The following B3GALT1 variants were observed in gnomAD, a reference collection of about 807,000 sequenced individuals.
The protein encoded by B3GALT1 is beta-1,3-galactosyltransferase 1.
In B3GALT1, 10 loss-of-function variants were observed where a neutral mutation model predicts 23.2. The observed-to-expected ratio is 0.43, with a 90% CI of 0.27 to 0.73. The LOEUF is 0.73. Ranked by LOEUF, B3GALT1 falls within the 30% of genes least tolerant of loss-of-function variation. B3GALT1 has a pLI of 0.21. For synonymous variants in B3GALT1, 156 were observed against 141.5 expected, an observed-to-expected ratio of 1.10 and a Z score of -0.73; for missense variants, 299 against 405.4, an observed-to-expected ratio of 0.74 and a Z score of 2.25.
At chr2:167,748,911 C>T (rs979869201) in intron 3 of B3GALT1, among the ~76,000 whole-genome samples, 2 of 152,156 alleles carry the variant, frequency 1.3e-5, no homozygotes, top group South Asian at 2.1e-4. Context: ...ATGCCACACA[C>T]ATTTATTAAG....
intron 2 of B3GALT1, among the ~76,000 whole-genome samples, chr2:167,558,825 T>C (rs540997156): frequency 6.6e-5 from 10 of 152,198 alleles, no homozygotes; most frequent in African/African-American, 1.7e-4. Flanking sequence ...TGGGTGGAGC[T>C]GACCACAGCT....
chr2:167,364,163 C>CAA (rs34314925), intron 1 of B3GALT1, among the ~76,000 whole-genome samples: 196 of 63,114 alleles, frequency 3.1e-3, no homozygotes, highest in African/African-American at 9.3e-3. Context: ...GACTCCATCT[C>CAA]AAAAAAAAAA....
chr2:167,462,661 T>C (rs1004847341), intron 1 of B3GALT1, among the ~76,000 whole-genome samples: 2 of 152,174 alleles, frequency 1.3e-5, no homozygotes, highest in African/African-American at 4.8e-5. Flanking sequence ...TAATTTTGCA[T>C]CATTAGCTTC....
intron 3 of B3GALT1, among the ~76,000 whole-genome samples, chr2:167,677,857 TTA>T (rs1468820738): frequency 6.6e-6 from 1 of 152,168 alleles, no homozygotes; most frequent in Non-Finnish European, 1.5e-5. Context: ...AAACAGGTCC[TTA>T]TTCAAATGGT....
At chr2:167,312,358 T>C (rs1038333625) in intron 1 of B3GALT1, among the ~76,000 whole-genome samples, 2 of 152,048 alleles carry the variant, frequency 1.3e-5, no homozygotes, top group Non-Finnish European at 2.9e-5. Flanking sequence ...TGAAGTTAAA[T>C]TGGTTCTTTG....
At chr2:167,437,447 T>C (rs1698807689) in intron 1 of B3GALT1, among the ~76,000 whole-genome samples, 1 of 152,234 alleles carries the variant, frequency 6.6e-6, no homozygotes, top group Non-Finnish European at 1.5e-5. Flanking sequence ...TGATAACTTC[T>C]GCAATTTGGA....
chr2:167,685,333 TC>T (rs1286707166), intron 3 of B3GALT1, among the ~76,000 whole-genome samples: 1 of 152,160 alleles, frequency 6.6e-6, no homozygotes, highest in Non-Finnish European at 1.5e-5. Flanking sequence ...ACCTCAGTGA[TC>T]CCCCAACCTC....
chr2:167,626,104 G>T (rs1411781201), intron 2 of B3GALT1, among the ~76,000 whole-genome samples: 1 of 150,776 alleles, frequency 6.6e-6, no homozygotes, highest in Admixed American at 6.6e-5. Context: ...AAGAGAAGGT[G>T]ATTTGAAAAG....
At chr2:167,653,367 T>G (rs74360628) in intron 3 of B3GALT1, among the ~76,000 whole-genome samples, 4,306 of 152,212 alleles carry the variant, frequency 0.028, 170 homozygotes, top group East Asian at 0.13. Context: ...TATAGCAGTT[T>G]TAAAACCCCG....
chr2:167,704,074 G>A (rs1184985725), intron 3 of B3GALT1, among the ~76,000 whole-genome samples: 5 of 151,710 alleles, frequency 3.3e-5, no homozygotes, highest in Non-Finnish European at 4.4e-5. Context: ...CCAGCTACTC[G>A]GGAGGCTGAG....
chr2:167,676,161 C>T (rs1311838060), intron 3 of B3GALT1, among the ~76,000 whole-genome samples: 1 of 152,002 alleles, frequency 6.6e-6, no homozygotes, highest in Non-Finnish European at 1.5e-5. Flanking sequence ...GGCTGCAGCA[C>T]CCCTCGCTTC....
chr2:167,669,902 C>T (rs78989206), intron 3 of B3GALT1, among the ~76,000 whole-genome samples: 2,888 of 152,176 alleles, frequency 0.019, 91 homozygotes, highest in African/African-American at 0.065. Context: ...GCTAAATAGT[C>T]TGTAGGCAGC....
intron 3 of B3GALT1, among the ~76,000 whole-genome samples, chr2:167,681,017 T>C (rs912119410): frequency 1.2e-4 from 18 of 152,164 alleles, no homozygotes; most frequent in African/African-American, 4.1e-4. Flanking sequence ...TTGCTATAAT[T>C]ACTGTTGTTG....
intron 3 of B3GALT1, among the ~76,000 whole-genome samples, chr2:167,766,205 A>G (rs1687974101): frequency 6.6e-6 from 1 of 152,200 alleles, no homozygotes; most frequent in South Asian, 2.1e-4. Context: ...ACCAGTGTAA[A>G]ATAAAGGACT....
intron 1 of B3GALT1, among the ~76,000 whole-genome samples, chr2:167,413,943 G>T (rs1698430064): frequency 6.6e-6 from 1 of 152,062 alleles, no homozygotes. Flanking sequence ...AAAGAGCTAT[G>T]TTGAGTTTAT....
chr2:167,809,223 G>T lies in B3GALT1; in HGVS notation c.-351-9449G>T, dbSNP rs557139714. ...AAGGTTTTTAACTTCTTTGCCATGG[G>T]TTCGAAATTCCTCCTTTAGCTCGGA... On this transcript the variant is annotated intron_variant, in intron 3 of 4. Coordinates refer to ENST00000392690, the MANE Select transcript of B3GALT1 (RefSeq NM_020981.4). Among the ~76,000 whole-genome samples the T allele has an allele frequency of 1.1e-4, 17 of 152,208 alleles. No homozygotes were observed. In the South Asian group the frequency reaches 3.5e-3, roughly 32 times the overall value.
chr2:167,629,290 C>T (rs1326687808), intron 2 of B3GALT1, among the ~76,000 whole-genome samples: 1 of 151,686 alleles, frequency 6.6e-6, no homozygotes, highest in Non-Finnish European at 1.5e-5. Flanking sequence ...CAGAACTTTT[C>T]TGAACAGGGA....
At chr2:167,324,294 T>C (rs1696856872) in intron 1 of B3GALT1, among the ~76,000 whole-genome samples, 2 of 152,022 alleles carry the variant, frequency 1.3e-5, no homozygotes, top group Non-Finnish European at 1.5e-5. Context: ...ATAATATTTA[T>C]TTAAAATTTT....
At chr2:167,478,568 GT>G (rs5836142) in intron 1 of B3GALT1, among the ~76,000 whole-genome samples, 1 of 150,846 alleles carries the variant, frequency 6.6e-6, no homozygotes, top group African/African-American at 2.4e-5. Flanking sequence ...GGTTATTATA[GT>G]TTTTTTTTAA....
Sources: gnomAD v4.1 joint callset for allele counts (sites outside exome capture counted in the v4.1 genomes callset) on GRCh38, gnomAD v4.1.1 for gene constraint, MANE v1.5 for transcripts, NCBI Gene and HGNC (gene_info 2026-07-23, HGNC 2026-07-21) for gene names.